The following CCDC171 variants were observed in gnomAD, a reference collection of about 807,000 sequenced individuals.
The protein encoded by CCDC171 is coiled-coil domain containing 171.
A neutral mutation model predicts 168.2 loss-of-function variants in CCDC171; 177 were observed. That is an observed-to-expected ratio of 1.05 (90% confidence interval 0.93 to 1.19). CCDC171 has a LOEUF of 1.19. Among genes scored for constraint, CCDC171 ranks in the 50% most tolerant of loss-of-function variants. The pLI is 0.00. For missense variants in CCDC171, 1,991 were observed against 1,539.0 expected (o/e 1.29, Z -4.91); for synonymous variants, 687 against 540.8 (o/e 1.27, Z -3.75).
At chr9:15,857,767 C>T (rs184195311) in intron 23 of CCDC171, among the ~76,000 whole-genome samples, 1 of 151,910 alleles carries the variant, frequency 6.6e-6, no homozygotes, top group Admixed American at 6.6e-5. Context: ...TCCCAACACT[C>T]TTTGTTGAAG....
chr9:16,054,362 C>T (rs1586865672), intron 1 of CCDC171, among the ~76,000 whole-genome samples: 1 of 152,316 alleles, frequency 6.6e-6, no homozygotes, highest in East Asian at 1.9e-4. Context: ...ACAAAGGCTT[C>T]CGCAGCTGCA....
At chr9:15,941,804 T>C (rs1474064302) in intron 25 of CCDC171, among the ~76,000 whole-genome samples, 2 of 151,952 alleles carry the variant, frequency 1.3e-5, no homozygotes, top group African/African-American at 4.8e-5. Context: ...AAGCATAAAA[T>C]GCAAAGAACT....
At chr9:15,775,436 A>G (rs1018302850) in intron 18 of CCDC171, among the ~76,000 whole-genome samples, 2 of 152,158 alleles carry the variant, frequency 1.3e-5, no homozygotes, top group African/African-American at 4.8e-5. Context: ...CTCCTGCCTC[A>G]GCCTCCTGAG....
intron 4 of CCDC171, among the ~76,000 whole-genome samples, chr9:15,590,771 C>CTCTTTCTTTTTCTT (rs2041923947): frequency 1.6e-5 from 2 of 122,520 alleles, no homozygotes; most frequent in African/African-American, 6.4e-5. Flanking sequence ...TTCTTTCTTT[C>CTCTTTCTTTTTCTT]TCTTTCTTTC....
chr9:15,560,063 ACT>A (rs2039151863), intron 1 of CCDC171, among the ~76,000 whole-genome samples: 1 of 151,714 alleles, frequency 6.6e-6, no homozygotes, highest in Non-Finnish European at 1.5e-5. Context: ...ATTGGCCCTC[ACT>A]CTCTTCTGGC....
intron 1 of CCDC171, among the ~76,000 whole-genome samples, chr9:15,563,364 C>T (rs1474356525): frequency 6.6e-6 from 1 of 151,866 alleles, no homozygotes; most frequent in Non-Finnish European, 1.5e-5. Context: ...TTTAGAACTC[C>T]CGACCTCAGG....
At chr9:15,962,355 A>G (rs1194027925) in intron 25 of CCDC171, among the ~76,000 whole-genome samples, 1 of 152,200 alleles carries the variant, frequency 6.6e-6, no homozygotes, top group Non-Finnish European at 1.5e-5. Flanking sequence ...CTGGTTGAAT[A>G]TGAGAGTATT....
At chr9:16,023,875 T>C (rs561707718) in intron 6 of CCDC171, among the ~76,000 whole-genome samples, 2 of 116,502 alleles carry the variant, frequency 1.7e-5, no homozygotes, top group Admixed American at 2.3e-4. Flanking sequence ...ACTCCCTGGA[T>C]CCATGTTACC....
At chr9:15,953,395 A>G (rs991932251) in intron 25 of CCDC171, among the ~76,000 whole-genome samples, 1 of 152,290 alleles carries the variant, frequency 6.6e-6, no homozygotes, top group African/African-American at 2.4e-5. Flanking sequence ...AGGAAGCAGT[A>G]TTAAATTTAA....
At chr9:16,095,834 A>G in the CCDC171 span, among the ~76,000 whole-genome samples, 1 of 146,694 alleles carries the variant, frequency 6.8e-6, no homozygotes, top group African/African-American at 2.5e-5. Context: ...ACACACCCAC[A>G]TAGACATGTA....
chr9:15,984,238 G>T (rs1454662082), intron 3 of CCDC171, among the ~76,000 whole-genome samples: 2 of 152,188 alleles, frequency 1.3e-5, no homozygotes, highest in Non-Finnish European at 2.9e-5. Context: ...AGACTTCCAG[G>T]CCTCAGAAAG....
intron 23 of CCDC171, among the ~76,000 whole-genome samples, chr9:15,872,023 A>G (rs2131188074): frequency 6.6e-6 from 1 of 152,124 alleles, no homozygotes; most frequent in Admixed American, 6.6e-5. Context: ...GTTTAATTTA[A>G]AAGTGGAAAA....
chr9:16,022,784 A>G (rs1833200374), exon 6 of CCDC171: 1 of 152,218 alleles, frequency 6.6e-6, no homozygotes, highest in African/African-American at 2.4e-5. Flanking sequence ...TCTGCTCCCA[A>G]GAGATCACGG....
rs531590833 is a variant in CCDC171, at chr9:15,626,677, G to A, written c.822+3264G>A. Among the ~76,000 whole-genome samples the A allele has an allele frequency of 1.2e-4, 18 of 152,306 alleles. No homozygotes were observed. In the South Asian group the frequency reaches 3.3e-3, roughly 28 times the overall value. On this transcript the variant is annotated intron_variant, in intron 7 of 25. Transcript: ENST00000380701. ...CAGGGATGAAGCCCACTTGATCATG[G>A]TGGATAAGCTATTTGATGTGCTGCT...
chr9:16,045,838 C>T (rs1055229449), intron 1 of CCDC171, among the ~76,000 whole-genome samples: 4 of 152,200 alleles, frequency 2.6e-5, no homozygotes, highest in African/African-American at 9.6e-5. Context: ...GATCTCTCAT[C>T]CTTCACCCCC....
intron 11 of CCDC171, among the ~76,000 whole-genome samples, chr9:15,710,582 T>C (rs2052588753): frequency 6.6e-6 from 1 of 151,982 alleles, no homozygotes; most frequent in Admixed American, 6.6e-5. Flanking sequence ...ATTACAGGTG[T>C]GAGCCACTGT....
the CCDC171 span, among the ~76,000 whole-genome samples, chr9:16,069,254 T>A: frequency 6.6e-6 from 1 of 152,244 alleles, no homozygotes; most frequent in South Asian, 2.1e-4. Flanking sequence ...ATATGTGTAA[T>A]GTGTGTGCAG....
In CCDC171 at chr9:15,821,774, A is replaced by C. The variant is rs574126232; in HGVS notation, c.3268-24928A>C. 4.2e-4 allele frequency among the ~76,000 whole-genome samples: 49 copies of C among 116,800 alleles called. 13 individuals carry two copies. The South Asian group carries it at 7.1e-3, about 17-fold the overall frequency. The allele number at this position is 116,800 out of a possible 152,430, so 76.6% of individuals were successfully genotyped here. On this transcript the variant is annotated intron_variant, in intron 21 of 25. Coordinates refer to ENST00000380701, the MANE Select transcript of CCDC171 (RefSeq NM_173550.4). ...CCATACTGCCCAAGGTAATTTATAC[A>C]TTCAATGCCATCCCCATCAAGCTAC...
chr9:15,754,154 G>A (rs2055940807), intron 18 of CCDC171, among the ~76,000 whole-genome samples: 1 of 152,162 alleles, frequency 6.6e-6, no homozygotes, highest in Non-Finnish European at 1.5e-5. Flanking sequence ...AAAACCATAA[G>A]AGCTTATATA....
Sources: gnomAD v4.1 joint callset for allele counts (sites outside exome capture counted in the v4.1 genomes callset) on GRCh38, gnomAD v4.1.1 for gene constraint, MANE v1.5 for transcripts, NCBI Gene and HGNC (gene_info 2026-07-23, HGNC 2026-07-21) for gene names.